The following ZNF208 variants were observed in gnomAD, a reference collection of about 807,000 sequenced individuals.
The protein encoded by ZNF208 is zinc finger protein 208, also known as zinc finger protein 95.
In ZNF208, 10 loss-of-function variants were observed where a neutral mutation model predicts 12.1. The ratio of observed to expected loss-of-function variants is 0.83; its 90% confidence interval spans 0.51 to 1.40. The LOEUF is 1.40. ZNF208 is among the 40% of genes most tolerant of loss of function. The pLI is 0.00. For missense variants in ZNF208, 1,652 were observed against 1,485.0 expected (o/e 1.11, Z -1.85); for synonymous variants, 497 against 488.4 (o/e 1.02, Z -0.23).
chr19:21,954,261 G>C (rs1969936240), intron 4 of ZNF208, among the ~76,000 whole-genome samples: 1 of 152,150 alleles, frequency 6.6e-6, no homozygotes, highest in Admixed American at 6.6e-5. Context: ...CAACTATGTG[G>C]TCAATTTTGG....
intron 4 of ZNF208, among the ~76,000 whole-genome samples, chr19:21,949,051 T>TA (rs1460094360): frequency 1.3e-5 from 2 of 152,186 alleles, no homozygotes; most frequent in Non-Finnish European, 2.9e-5. Context: ...AGAAACCAGA[T>TA]AAAAATCCCC....
chr19:21,981,155 T>C (rs1035512572), intron 3 of ZNF208, among the ~76,000 whole-genome samples: 38 of 152,082 alleles, frequency 2.5e-4, no homozygotes, highest in Admixed American at 2.0e-4. Context: ...TTCTATTATT[T>C]CTGAAACTAT....
At chr19:21,963,328 T>A (rs1174006584), downstream of ZNF208, among the ~76,000 whole-genome samples, 1 of 152,094 alleles carries the variant, frequency 6.6e-6, no homozygotes, top group African/African-American at 2.4e-5. Flanking sequence ...ATATTGAAAT[T>A]TTTATGAATC....
chr19:21,986,895 A>G (rs563407105), intron 3 of ZNF208: 2 of 408,260 alleles, frequency 4.9e-6, no homozygotes, highest in Non-Finnish European at 8.6e-6. Context: ...GGAGTATCTT[A>G]AAATCATGCA....
At chr19:22,007,656 A>G (rs1971070137) in intron 1 of ZNF208, among the ~76,000 whole-genome samples, 2 of 151,884 alleles carry the variant, frequency 1.3e-5, no homozygotes, top group African/African-American at 2.4e-5. Context: ...CCCTTTGTAA[A>G]TATTTTCTTA....
At chr19:21,975,173 T>C (rs530529817) in intron 3 of ZNF208, among the ~76,000 whole-genome samples, 3 of 152,320 alleles carry the variant, frequency 2.0e-5, no homozygotes, top group South Asian at 2.1e-4. Flanking sequence ...TTGTTTTGTT[T>C]TGTTCTGTTT....
chr19:21,989,058 TTC>T, intron 1 of ZNF208, 149 bp from the exon 2 acceptor site: 2 of 1,104,724 alleles, frequency 1.8e-6, no homozygotes. Context: ...AACACAAATA[TTC>T]TCTAACATAT....
chr19:21,989,713 T>A (rs923777489), intron 1 of ZNF208, among the ~76,000 whole-genome samples: 1 of 152,152 alleles, frequency 6.6e-6, no homozygotes, highest in Non-Finnish European at 1.5e-5. Flanking sequence ...TGTAAAAGTG[T>A]TCCTATTTCT....
intron 4 of ZNF208, among the ~76,000 whole-genome samples, chr19:21,958,694 T>C (rs896741400): frequency 2.6e-5 from 4 of 151,966 alleles, no homozygotes; most frequent in Non-Finnish European, 4.4e-5. Context: ...CATAAACACA[T>C]GTTTCTTCTG....
Position 21,970,877 on chromosome 19 carries a change from A to T in ZNF208, c.*314T>A. On this transcript the variant is annotated 3_prime_UTR_variant, in exon 4 of 4. Transcript: ENST00000397126. ...ATTTGTAGGGTTTCTCTCCAGTATG[A>T]ATTTTCTATGATAACTGAGGGTTGA... 2.6e-6 allele frequency: 4 copies of T among 1,520,506 alleles called. No homozygotes were observed. The highest frequency in any genetic ancestry group is 3.6e-6 in the Non-Finnish European group (4 of 1,097,248). 94.2% of individuals were successfully genotyped at this position (1,520,506 alleles called of 1,614,324 possible). A position where few individuals can be genotyped will look rare whatever the true frequency, so the allele number is the denominator to read the frequency against.
At chr19:21,952,001 G>A (rs572917245) in intron 4 of ZNF208, among the ~76,000 whole-genome samples, 44 of 152,324 alleles carry the variant, frequency 2.9e-4, no homozygotes, top group African/African-American at 9.1e-4. Flanking sequence ...ATTCTCTCCC[G>A]TACCTGGCTC....
chr19:22,010,661 G>T, intron 1 of ZNF208, 131 bp downstream of exon 1: 1 of 1,415,042 alleles, frequency 7.1e-7, no homozygotes, highest in Non-Finnish European at 9.9e-7. Context: ...GACTGAGGTC[G>T]AGCTAGGCAA....
chr19:21,994,924 C>G (rs1970802920), intron 1 of ZNF208, among the ~76,000 whole-genome samples: 1 of 151,224 alleles, frequency 6.6e-6, no homozygotes, highest in Non-Finnish European at 1.5e-5. Flanking sequence ...AGGATGGTAG[C>G]AATCATGACT....
rs768956179 is a variant in ZNF208 at position 21,973,812 on chromosome 19, T to C, written c.1222A>G (p.Met408Val). 12 of 1,605,494 alleles carry C rather than the reference T, an allele frequency of 7.5e-6. No individual in the cohort carries two copies. Among genetic ancestry groups the C allele is most frequent in the Non-Finnish European group, 1.0e-5 (12 of 1,173,582 alleles). ...TCATGTTTAGTAAGGATTGAGAACATACTAAAACCTTTGCCACATTCTTCA... is the reference window on the plus strand; with the variant it reads ...TCATGTTTAGTAAGGATTGAGAACACACTAAAACCTTTGCCACATTCTTCA... Reference protein sequence around the residue: ...KCEECGKGFSMFSILTKHEVI... With the variant: ...KCEECGKGFSVFSILTKHEVI... The change falls in exon 4 of 4, where the codon ATG (methionine) becomes GTG (valine). Residue 408 changes from methionine (M) to valine (V), a missense_variant. Around this residue, in one of 3 missense-constraint regions of ZNF208, gnomAD observed 1,239 missense variants for 1,086.2 expected, o/e 1.14. Transcript: ENST00000397126.
chr19:21,963,019 A>G (rs896554769), downstream of ZNF208, among the ~76,000 whole-genome samples: 5 of 152,110 alleles, frequency 3.3e-5, no homozygotes, highest in African/African-American at 1.2e-4. Context: ...TGTATTTCAC[A>G]TAAGTATTCT....
At chr19:21,983,266 A>C (rs1599622337) in intron 3 of ZNF208, among the ~76,000 whole-genome samples, 1 of 152,236 alleles carries the variant, frequency 6.6e-6, no homozygotes, top group African/African-American at 2.4e-5. Context: ...GCACATCATC[A>C]CTGGTCATTA....
Position 21,981,100 on chromosome 19 carries a change from C to T in ZNF208, c.226+6116G>A, listed in dbSNP as rs182273697. On this transcript the variant is annotated intron_variant, in intron 3 of 3. Transcript: ENST00000397126. ...CTAACAACCAAAAATGTCCAGGACC[C>T]GATGGATTCACAACCTTTGTACCAG... 1.0e-3 allele frequency among the ~76,000 whole-genome samples: 157 copies of T among 151,958 alleles called. 1 individual carries two copies. Among genetic ancestry groups the T allele is most frequent in the African/African-American group, 3.4e-3 (140 of 41,476 alleles).
intron 4 of ZNF208, among the ~76,000 whole-genome samples, chr19:21,950,434 C>T (rs994557584): frequency 1.7e-4 from 25 of 151,316 alleles, no homozygotes; most frequent in African/African-American, 5.3e-4. Context: ...AAATCTGTCT[C>T]TTTCTTCTAG....
chr19:21,965,811 T>A (rs927259954), downstream of ZNF208: 8 of 150,604 alleles, frequency 5.3e-5, no homozygotes, highest in African/African-American at 2.0e-4. Context: ...AAAAAAAAAA[T>A]GATTAATCCA....
Sources: allele counts gnomAD v4.1 joint callset (sites outside exome capture counted in the v4.1 genomes callset), GRCh38; gene constraint gnomAD v4.1.1; regional missense constraint gnomAD v4.1.1; transcripts MANE v1.5; gene names NCBI Gene and HGNC (gene_info 2026-07-23, HGNC 2026-07-21).